TXLNB: variants seen among roughly 807,000 people sequenced by gnomAD.
The protein encoded by TXLNB is beta-taxilin.
TXLNB carries 37 observed loss-of-function variants against 57.4 expected under a neutral mutation model. The ratio of observed to expected loss-of-function variants is 0.64; its 90% CI spans 0.50 to 0.85. The LOEUF is 0.85. Ranked by LOEUF, TXLNB falls within the 40% of genes least tolerant of loss-of-function variation. The pLI, the probability that TXLNB is intolerant of heterozygous loss-of-function variation, is 0.00. For synonymous variants in TXLNB, 302 were observed against 309.6 expected (o/e 0.98, Z 0.26); for missense variants, 848 against 825.6 (o/e 1.03, Z -0.33).
At chr6:139,168,976 C>G in the TXLNB span, among the ~76,000 whole-genome samples, 2 of 151,934 alleles carry the variant, frequency 1.3e-5, no homozygotes, top group Non-Finnish European at 2.9e-5. Flanking sequence ...ATCTCCACCC[C>G]TCCATGAAGG....
intron 5 of TXLNB, among the ~76,000 whole-genome samples, chr6:139,262,316 A>G (rs1310802019): frequency 1.3e-5 from 2 of 152,242 alleles, no homozygotes; most frequent in Admixed American, 6.5e-5. Context: ...ATTATTTTCA[A>G]GGAAAACTGT....
chr6:139,238,970 A>G (rs1443405698), downstream of TXLNB: 2 of 152,238 alleles, frequency 1.3e-5, no homozygotes, highest in Admixed American at 6.5e-5. Context: ...GAAAAGCAGC[A>G]TCAGTTTTAC....
At chr6:139,226,171 G>A in the TXLNB span, among the ~76,000 whole-genome samples, 6 of 151,648 alleles carry the variant, frequency 4.0e-5, no homozygotes, top group South Asian at 4.2e-4. Context: ...GGTGATGCGT[G>A]CCTGTAGTCC....
the TXLNB span, among the ~76,000 whole-genome samples, chr6:139,224,735 C>G: frequency 0.69 from 104,016 of 151,724 alleles, 36,818 homozygotes; most frequent in East Asian, 0.82. Flanking sequence ...CAATTTAAAT[C>G]CTTTCCACAA....
At chr6:139,202,652 C>G in the TXLNB span, among the ~76,000 whole-genome samples, 1 of 152,176 alleles carries the variant, frequency 6.6e-6, no homozygotes, top group African/African-American at 2.4e-5. Flanking sequence ...GTATAATCAT[C>G]AATTCAGGAT....
intron 6 of TXLNB, among the ~76,000 whole-genome samples, chr6:139,256,744 G>A (rs1364020356): frequency 6.6e-6 from 1 of 152,222 alleles, no homozygotes; most frequent in African/African-American, 2.4e-5. Context: ...CCTGATTCCT[G>A]ACACAGAGCT....
chr6:139,276,766 C>A, intron 3 of TXLNB, 64 bp downstream of exon 3: 1 of 1,280,982 alleles, frequency 7.8e-7, no homozygotes, highest in South Asian at 1.3e-5. Flanking sequence ...TTTGTTGTTC[C>A]TTGAAGCTAG....
rs558063313 is a variant in TXLNB, at chr6:139,243,062, A to G, written c.1519T>C (p.Phe507Leu). Residue 507 changes from phenylalanine (F) to leucine (L), a missense_variant, in exon 10 of 10, where the codon TTC (phenylalanine) becomes CTC (leucine). By Grantham distance (22) the Phe-to-Leu change is conservative. Coordinates refer to ENST00000358430, the MANE Select transcript of TXLNB (RefSeq NM_153235.4). ...GACTCTGGATGATGAATTATCATGA[A>G]GGCTGTGGCCAGATTTTTCACGGCG... The part of the protein sequence containing the change: ...QTAVKNLATA[F>L]MIIHHPESTP... 1.2e-5 allele frequency: 20 copies of G among 1,614,142 alleles called. No individual in the cohort carries two copies. The South Asian group carries it at 2.0e-4, about 16-fold the overall frequency.
intron 2 of TXLNB, among the ~76,000 whole-genome samples, chr6:139,280,942 G>A (rs1383543031): frequency 6.6e-6 from 1 of 152,192 alleles, no homozygotes; most frequent in Non-Finnish European, 1.5e-5. Context: ...TAAAATTCAT[G>A]TATGCAGGGG....
chr6:139,167,023 C>T, the TXLNB span: 73,149 of 1,614,144 alleles, frequency 0.045, 1,783 homozygotes, highest in African/African-American at 0.066. Context: ...GGGGACACTT[C>T]GACACCCCCG....
chr6:139,298,235 C>T, the TXLNB span, among the ~76,000 whole-genome samples: 1 of 152,196 alleles, frequency 6.6e-6, no homozygotes, highest in Admixed American at 6.5e-5. Context: ...GGGTGCTACA[C>T]TTGTACTTGC....
At chr6:139,277,476 T>A (rs1289746477) in intron 2 of TXLNB, among the ~76,000 whole-genome samples, 2 of 152,100 alleles carry the variant, frequency 1.3e-5, no homozygotes, top group African/African-American at 4.8e-5. Context: ...GGAACCAAGT[T>A]TCTCTTTTTT....
At chr6:139,166,992 C>A in the TXLNB span, 1 of 1,614,078 alleles carries the variant, frequency 6.2e-7, no homozygotes, top group Non-Finnish European at 8.5e-7. Flanking sequence ...TACAGCCCTG[C>A]GGGGTTGGCA....
At position 139,260,349 on chromosome 6, in the gene TXLNB, G is replaced by T. The variant is rs547493566; in HGVS notation, c.971C>A (p.Ala324Glu). The T allele has an allele frequency of 1.9e-6, 3 of 1,613,926 alleles. No homozygotes were observed. Among genetic ancestry groups the T allele is most frequent in the African/African-American group, 1.3e-5 (1 of 74,880 alleles). Residue 324 changes from alanine to glutamate, a missense_variant, in exon 6 of 10, where the codon GCG (alanine) becomes GAG (glutamate). Ala to Glu is a moderately radical substitution (Grantham distance 107). Transcript: ENST00000358430. ...CTTTTCTCGTTTGTGTCGCTCCTCC[G>T]CTTCCTTCATCATTTCTTGGGCCTG... Reference protein sequence around the residue: ...LEQAQEMMKEAEERHKREKEY... With the variant: ...LEQAQEMMKEEEERHKREKEY...
chr6:139,234,812 C>A, the TXLNB span, among the ~76,000 whole-genome samples: 1 of 152,164 alleles, frequency 6.6e-6, no homozygotes, highest in Non-Finnish European at 1.5e-5. Flanking sequence ...GTCCTCCAGA[C>A]CCCAGAATGG....
Position 139,285,438 on chromosome 6 carries a change from A to G in TXLNB, c.424+3038T>C, listed in dbSNP as rs1312540998. Among the ~76,000 whole-genome samples the G allele has an allele frequency of 1.4e-5, 2 of 144,116 alleles. 1 individual carries two copies. Among genetic ancestry groups the G allele is most frequent in the Non-Finnish European group, 3.1e-5 (2 of 64,930 alleles). 94.5% of individuals were successfully genotyped at this position (144,116 alleles called of 152,430 possible). On this transcript the variant is annotated intron_variant, in intron 2 of 9. Coordinates refer to ENST00000358430, the MANE Select transcript of TXLNB (RefSeq NM_153235.4). ...AAACTTGAATAATGACTAACTTTGC[A>G]AAGGGACACATTTGAGATGTTTTGT... is the stretch of plus-strand genomic sequence containing the variant.
chr6:139,270,183 C>G (rs1332641331), intron 4 of TXLNB, among the ~76,000 whole-genome samples: 1 of 152,162 alleles, frequency 6.6e-6, no homozygotes, highest in African/African-American at 2.4e-5. Flanking sequence ...AGGGCCTGCA[C>G]TGTGTCAGGT....
At chr6:139,249,383 C>T (rs997600239) in intron 7 of TXLNB, among the ~76,000 whole-genome samples, 1 of 152,016 alleles carries the variant, frequency 6.6e-6, no homozygotes, top group African/African-American at 2.4e-5. Context: ...CAGAATAGTC[C>T]CAAGTCTTCA....
the TXLNB span, among the ~76,000 whole-genome samples, chr6:139,181,006 T>A: frequency 6.6e-6 from 1 of 152,222 alleles, no homozygotes; most frequent in Admixed American, 6.5e-5. Context: ...GTAAACTCAC[T>A]TTGCAATAAA....
Sources: gnomAD v4.1 joint callset for allele counts (sites outside exome capture counted in the v4.1 genomes callset) on GRCh38, gnomAD v4.1.1 for gene constraint, MANE v1.5 for transcripts, NCBI Gene and HGNC (gene_info 2026-07-23, HGNC 2026-07-21) for gene names.